The following MEIKIN variants were observed in gnomAD, a reference collection of about 807,000 sequenced individuals.
MEIKIN encodes the protein meiotic kinetochore factor.
At chr5:131,813,687 G>A (rs528678701) in intron 12 of MEIKIN, among the ~76,000 whole-genome samples, 4 of 151,914 alleles carry the variant, frequency 2.6e-5, no homozygotes, top group Non-Finnish European at 4.4e-5. Context: ...TCAGCCTCCC[G>A]AAGTACTGGG....
chr5:131,837,558 G>A (rs999037548), intron 11 of MEIKIN, among the ~76,000 whole-genome samples: 8 of 151,974 alleles, frequency 5.3e-5, no homozygotes, highest in Non-Finnish European at 1.0e-4. Context: ...AGTTCTCTTC[G>A]TTGAGATCTT....
At chr5:131,808,275 G>A (rs1010042033) in intron 12 of MEIKIN, among the ~76,000 whole-genome samples, 9 of 152,130 alleles carry the variant, frequency 5.9e-5, no homozygotes, top group African/African-American at 2.2e-4. Context: ...GAACTTCTGG[G>A]TAACTTCCCA....
chr5:131,828,412 C>T (rs1749651751), intron 11 of MEIKIN, among the ~76,000 whole-genome samples: 1 of 152,112 alleles, frequency 6.6e-6, no homozygotes, highest in Non-Finnish European at 1.5e-5. Flanking sequence ...ATTTGCCTGC[C>T]TTTGACCTCC....
intron 8 of MEIKIN, among the ~76,000 whole-genome samples, chr5:131,892,543 T>G (rs527363121): frequency 6.6e-6 from 1 of 152,328 alleles, no homozygotes; most frequent in East Asian, 1.9e-4. Flanking sequence ...ACGTAGTTCT[T>G]GTGCCGTGGT....
chr5:131,858,593 T>G lies in MEIKIN; in HGVS notation c.775-3759A>C, dbSNP rs118098164. ...CAAAAATTGACAAATGGGACCTAATTAAACAAAAGAGCTTCCGCACAGCAA... is the reference window on the plus strand; with the variant it reads ...CAAAAATTGACAAATGGGACCTAATGAAACAAAAGAGCTTCCGCACAGCAA... On this transcript the variant is annotated intron_variant, in intron 9 of 12. Transcript: ENST00000442687. 2.5e-3 allele frequency among the ~76,000 whole-genome samples: 379 copies of G among 152,242 alleles called. 10 individuals are homozygous for G. In the East Asian group the frequency reaches 0.063, roughly 25 times the overall value.
chr5:131,885,392 A>G (rs1457654150), intron 8 of MEIKIN, among the ~76,000 whole-genome samples: 2 of 115,366 alleles, frequency 1.7e-5, no homozygotes, highest in African/African-American at 3.0e-5. Flanking sequence ...AGAGAGAGAG[A>G]GAGAGAGAGA....
chr5:131,854,863 G>A (rs1750168620), intron 9 of MEIKIN, 29 bp from the exon 10 acceptor site: 1 of 396,934 alleles, frequency 2.5e-6, no homozygotes, highest in Non-Finnish European at 4.4e-6. Context: ...AACAGGGATT[G>A]AACAGCAGAA....
chr5:131,918,643 AG>A (rs1172720742), intron 6 of MEIKIN, among the ~76,000 whole-genome samples: 3 of 152,160 alleles, frequency 2.0e-5, no homozygotes, highest in African/African-American at 7.2e-5. Context: ...ACCACAATAG[AG>A]GATAGGAAAG....
chr5:131,938,141 G>A lies in MEIKIN; in HGVS notation c.349+4494C>T, dbSNP rs192968896. On this transcript the variant is annotated intron_variant, in intron 4 of 12. Coordinates refer to ENST00000442687, the MANE Select transcript of MEIKIN (RefSeq NM_001303622.2). Reference sequence around the variant, plus strand: ...AACTTTATTGAGATATAATTCACATGCCATAGAACTCGCCCCTCACCCCCT... The same window carrying A: ...AACTTTATTGAGATATAATTCACATACCATAGAACTCGCCCCTCACCCCCT... Among the ~76,000 whole-genome samples the A allele has an allele frequency of 3.6e-3, 540 of 148,852 alleles. 4 individuals are homozygous for A. The highest frequency in any genetic ancestry group is 0.013 in the African/African-American group (512 of 40,428).
chr5:131,899,542 T>TAA lies in MEIKIN; in HGVS notation c.703+12271_703+12272dup, dbSNP rs398065218. Among the ~76,000 whole-genome samples, 1,071 of 125,390 alleles carry TAA rather than the reference T, an allele frequency of 8.5e-3. 3 individuals carry two copies. Among genetic ancestry groups the TAA allele is most frequent in the Non-Finnish European group, 0.014 (827 of 58,042 alleles). 82.3% of individuals were successfully genotyped at this position (125,390 alleles called of 152,430 possible). A position where few individuals can be genotyped will look rare whatever the true frequency, so the allele number is the denominator to read the frequency against. ...AAGACACAGAGTGGTTGAATGGATT[T>TAA]AAAAAAAAAAAAAAAAAAACAAGAC... On this transcript the variant is annotated intron_variant, in intron 8 of 12. Transcript: ENST00000442687.
chr5:131,895,241 C>A (rs1751016538), intron 8 of MEIKIN, among the ~76,000 whole-genome samples: 1 of 152,162 alleles, frequency 6.6e-6, no homozygotes, highest in Admixed American at 6.5e-5. Context: ...ATGAAGCCCA[C>A]TGGATCATGG....
At chr5:131,842,034 T>G (rs1749924565) in intron 11 of MEIKIN, among the ~76,000 whole-genome samples, 1 of 152,004 alleles carries the variant, frequency 6.6e-6, no homozygotes, top group African/African-American at 2.4e-5. Flanking sequence ...AGAGTCTCAC[T>G]CTGTCTCCAG....
At chr5:131,914,612 A>AAAGGGAAGGG (rs1561753837) in intron 7 of MEIKIN, among the ~76,000 whole-genome samples, 175 of 3,298 alleles carry the variant, frequency 0.053, 4 homozygotes, top group African/African-American at 0.082. Flanking sequence ...GAAGGGAAGG[A>AAAGGGAAGGG]AAGGGAAGGA....
At chr5:131,842,795 T>C (rs1749938798) in intron 11 of MEIKIN, among the ~76,000 whole-genome samples, 1 of 152,228 alleles carries the variant, frequency 6.6e-6, no homozygotes, top group Non-Finnish European at 1.5e-5. Context: ...ATTTTATGCT[T>C]TGGATATCAT....
At chr5:131,816,625 T>C (rs1382100309) in intron 12 of MEIKIN, among the ~76,000 whole-genome samples, 1 of 152,196 alleles carries the variant, frequency 6.6e-6, no homozygotes, top group Non-Finnish European at 1.5e-5. Flanking sequence ...TTAGGCCTTA[T>C]TCTATCCTCT....
intron 11 of MEIKIN, among the ~76,000 whole-genome samples, chr5:131,827,284 C>T (rs192076938): frequency 6.6e-6 from 1 of 151,882 alleles, no homozygotes; most frequent in African/African-American, 2.4e-5. Flanking sequence ...CATGACCAGC[C>T]AAAATTGTTT....
chr5:131,942,586 T>C (rs1751891250), intron 4 of MEIKIN, 49 bp downstream of exon 4: 1 of 397,892 alleles, frequency 2.5e-6, no homozygotes, highest in East Asian at 3.6e-5. Flanking sequence ...GATGCTTATG[T>C]TTGGAGGAAA....
In MEIKIN at chr5:131,908,182, T is replaced by C. The variant is rs77542000; in HGVS notation, c.703+3633A>G. On this transcript the variant is annotated intron_variant, in intron 8 of 12. Coordinates refer to ENST00000442687, the MANE Select transcript of MEIKIN (RefSeq NM_001303622.2). ...CTGAAGAATACTGATGTAAAAATCC[T>C]CAACAAAATAGCAAACTGAATTCAA... Among the ~76,000 whole-genome samples the C allele has an allele frequency of 6.2e-3, 944 of 152,202 alleles. 3 individuals carry two copies. Among genetic ancestry groups the C allele is most frequent in the Non-Finnish European group, 9.4e-3 (642 of 67,994 alleles).
chr5:131,907,620 T>C (rs1751262560), intron 8 of MEIKIN, among the ~76,000 whole-genome samples: 2 of 151,130 alleles, frequency 1.3e-5, no homozygotes, highest in South Asian at 4.2e-4. Context: ...ACGCCTGTAA[T>C]CCCAGCACTT....
Sources: gnomAD v4.1 joint callset for allele counts (sites outside exome capture counted in the v4.1 genomes callset) on GRCh38, gnomAD v4.1.1 for gene constraint, MANE v1.5 for transcripts, NCBI Gene and HGNC (gene_info 2026-07-23, HGNC 2026-07-21) for gene names.